RALGPS2: variants seen among roughly 807,000 people sequenced by gnomAD.
The protein encoded by RALGPS2 is ras-specific guanine nucleotide-releasing factor RalGPS2.
Under a neutral mutation model 86.8 loss-of-function variants are expected in RALGPS2, and 43 were observed. That is an observed-to-expected ratio of 0.50 (90% CI 0.39 to 0.64). The LOEUF is 0.64. Ranked by LOEUF, RALGPS2 falls within the 30% of genes least tolerant of loss-of-function variation. The pLI is 0.00. For missense variants in RALGPS2, 536 were observed against 694.6 expected, an observed-to-expected ratio of 0.77 and a Z score of 2.57; for synonymous variants, 243 against 231.3, an observed-to-expected ratio of 1.05 and a Z score of -0.46.
rs1375280253 is a variant in RALGPS2, at chr1:178,919,070, A to G, written c.*2711A>G. On this transcript the variant is annotated 3_prime_UTR_variant, in exon 20 of 20. Coordinates refer to ENST00000367635, the MANE Select transcript of RALGPS2 (RefSeq NM_152663.5). ...CATGTTATATAGCCTGTTGAAAATAACTACAGAATGACCTTCCAGAGCACT... is the reference window on the plus strand; with the variant it reads ...CATGTTATATAGCCTGTTGAAAATAGCTACAGAATGACCTTCCAGAGCACT... 2 of 152,072 alleles carry G rather than the reference A, an allele frequency of 1.3e-5. No homozygotes were observed. The highest frequency in any genetic ancestry group is 2.9e-5 in the Non-Finnish European group (2 of 67,938). The allele number at this position is 152,072 out of a possible 1,614,324, so 9.4% of individuals were successfully genotyped here.
At chr1:178,817,873 C>A (rs2102217206) in intron 6 of RALGPS2, among the ~76,000 whole-genome samples, 1 of 152,256 alleles carries the variant, frequency 6.6e-6, no homozygotes, top group East Asian at 1.9e-4. Context: ...AAATGTTTTT[C>A]CGGCTCATTT....
At chr1:178,782,916 C>G (rs75731332) in intron 2 of RALGPS2, among the ~76,000 whole-genome samples, 1 of 152,084 alleles carries the variant, frequency 6.6e-6, no homozygotes, top group African/African-American at 2.4e-5. Context: ...ACCTGAGTTC[C>G]TATTACCCAA....
intron 8 of RALGPS2, among the ~76,000 whole-genome samples, chr1:178,860,612 A>G (rs1234153798): frequency 6.6e-6 from 1 of 152,204 alleles, no homozygotes; most frequent in East Asian, 1.9e-4. Flanking sequence ...CCCTCCGCCT[A>G]ACATCTGGCA....
At chr1:178,823,679 G>C (rs150516162) in intron 7 of RALGPS2, among the ~76,000 whole-genome samples, 178 of 152,314 alleles carry the variant, frequency 1.2e-3, no homozygotes, top group African/African-American at 3.9e-3. Flanking sequence ...AAGGTACCCG[G>C]TGGTAGGAGA....
At chr1:178,867,222 T>C (rs1277038422) in intron 8 of RALGPS2, among the ~76,000 whole-genome samples, 2 of 152,146 alleles carry the variant, frequency 1.3e-5, no homozygotes, top group Non-Finnish European at 2.9e-5. Flanking sequence ...TTTAAGCCAT[T>C]TTCATGTTTT....
intron 16 of RALGPS2, 93 bp from the exon 17 acceptor site, chr1:178,897,571 G>A: frequency 9.7e-7 from 1 of 1,026,726 alleles, no homozygotes; most frequent in Non-Finnish European, 1.5e-6. Flanking sequence ...TTTGGTTGAA[G>A]TGAAGTGGAC....
Position 178,891,202 on chromosome 1 carries a change from T to TA in RALGPS2, c.1248-1021dup, listed in dbSNP as rs574016824. Among the ~76,000 whole-genome samples, 394 of 152,138 alleles carry TA rather than the reference T, an allele frequency of 2.6e-3. 3 individuals carry two copies. The highest frequency in any genetic ancestry group is 8.3e-3 in the South Asian group (40 of 4,828). On this transcript the variant is annotated intron_variant, in intron 14 of 19. Transcript: ENST00000367635. ...GTTTTGCTTTGCAGACATGTGTGGCTAAAAAAAGCTACTTTTCTTATGCCA... is the reference window on the plus strand; with the variant it reads ...GTTTTGCTTTGCAGACATGTGTGGCTAAAAAAAAGCTACTTTTCTTATGCCA...
In RALGPS2 at chr1:178,916,515, G is replaced by A. The variant is rs1660822201; in HGVS notation, c.*156G>A. On this transcript the variant is annotated 3_prime_UTR_variant, in exon 20 of 20. Transcript: ENST00000367635. ...CAACCAAAAAAGCACTAATTTCAGG[G>A]AATGATTTGAGATATTCCCAGAGAA... The A allele has an allele frequency of 1.6e-6, 1 of 636,874 alleles. No homozygotes were observed. Among genetic ancestry groups the A allele is most frequent in the African/African-American group, 1.9e-5 (1 of 53,614 alleles). 39.5% of individuals were successfully genotyped at this position (636,874 alleles called of 1,614,324 possible). A position where few individuals can be genotyped will look rare whatever the true frequency, so the allele number is the denominator to read the frequency against.
rs539907347 is a variant in RALGPS2 at position 178,913,196 on chromosome 1, C to T, written c.1723-3134C>T. The stretch of plus-strand genomic sequence containing the variant: ...ACTAGGGAGGCTGAGGCAGGAGAAT[C>T]GCTTGAACCTGGGAGGCAGAGGTTG... On this transcript the variant is annotated intron_variant, in intron 19 of 19. Transcript: ENST00000367635. Among the ~76,000 whole-genome samples the T allele has an allele frequency of 1.8e-4, 28 of 151,832 alleles. No individual in the cohort carries two copies. The South Asian group carries it at 4.4e-3, about 24-fold the overall frequency.
intron 12 of RALGPS2, chr1:178,885,663 CAT>C (rs765830768): frequency 9.0e-5 from 20 of 221,392 alleles, no homozygotes; most frequent in South Asian, 1.6e-4. Flanking sequence ...AATGGGGACA[CAT>C]GTTCACTTTT....
intron 1 of RALGPS2, among the ~76,000 whole-genome samples, chr1:178,766,511 G>A (rs1652515478): frequency 6.6e-6 from 1 of 152,052 alleles, no homozygotes; most frequent in African/African-American, 2.4e-5. Context: ...TTACAGGTGT[G>A]AGCCACCGCA....
intron 13 of RALGPS2, among the ~76,000 whole-genome samples, chr1:178,886,912 CA>C (rs1450818984): frequency 6.6e-6 from 1 of 152,030 alleles, no homozygotes; most frequent in Non-Finnish European, 1.5e-5. Context: ...GGGGATTTGG[CA>C]AGATAAAAGT....
At chr1:178,891,786 A>AC (rs1369975742) in intron 14 of RALGPS2, among the ~76,000 whole-genome samples, 1 of 152,088 alleles carries the variant, frequency 6.6e-6, no homozygotes, top group Non-Finnish European at 1.5e-5. Context: ...TTTACAAGCC[A>AC]CATTGCTTTT....
intron 8 of RALGPS2, among the ~76,000 whole-genome samples, chr1:178,859,463 T>G (rs12125050): frequency 0.084 from 12,223 of 145,470 alleles, 527 homozygotes; most frequent in African/African-American, 0.094. Flanking sequence ...GAGTGCAGTG[T>G]CACGATCTCG....
At chr1:178,734,678 C>T (rs1474629957) in intron 1 of RALGPS2, among the ~76,000 whole-genome samples, 3 of 152,086 alleles carry the variant, frequency 2.0e-5, no homozygotes, top group Non-Finnish European at 2.9e-5. Flanking sequence ...CAAACAACTC[C>T]GAAACCTTTA....
chr1:178,796,337 A>G (rs1160597401), intron 4 of RALGPS2, among the ~76,000 whole-genome samples: 1 of 152,138 alleles, frequency 6.6e-6, no homozygotes, highest in Non-Finnish European at 1.5e-5. Context: ...ATTGTGGGTT[A>G]AGATATAGGA....
chr1:178,833,570 G>GT lies in RALGPS2; in HGVS notation c.607+26dup, dbSNP rs1263795596. 1.3e-6 allele frequency: 2 copies of GT among 1,519,388 alleles called. No individual in the cohort carries two copies. Among genetic ancestry groups the GT allele is most frequent in the Admixed American group, 2.6e-5 (1 of 37,862 alleles). 94.1% of individuals were successfully genotyped at this position (1,519,388 alleles called of 1,614,324 possible). A position where few individuals can be genotyped will look rare whatever the true frequency, so the allele number is the denominator to read the frequency against. On this transcript the variant is annotated intron_variant, in intron 8 of 19. Transcript: ENST00000367635. ...ATTTAGGTGAGTTATGTCACTGTGT[G>GT]TTTTTTGTTTCTAGTTGTTACTCTT... is the stretch of plus-strand genomic sequence containing the variant.
chr1:178,747,205 G>C lies in RALGPS2; in HGVS notation c.-84+21786G>C. The C allele has an allele frequency of 3.1e-6, 4 of 1,276,846 alleles. No homozygotes were observed. The South Asian group carries it at 4.8e-5, about 15-fold the overall frequency. The allele number at this position is 1,276,846 out of a possible 1,614,324, so 79.1% of individuals were successfully genotyped here. A position where few individuals can be genotyped will look rare whatever the true frequency, so the allele number is the denominator to read the frequency against. On this transcript the variant is annotated intron_variant, in intron 1 of 19. Transcript: ENST00000367635. Reference sequence around the variant, plus strand: ...AGCGTCCAGTGCCTGCACTACGGTGGATCACCACAGGTCCATGGTCAGGGT... The same window carrying C: ...AGCGTCCAGTGCCTGCACTACGGTGCATCACCACAGGTCCATGGTCAGGGT...
intron 8 of RALGPS2, chr1:178,851,392 T>C (rs1657166991): frequency 2.3e-6 from 3 of 1,332,772 alleles, no homozygotes; most frequent in Admixed American, 2.8e-5. Flanking sequence ...AAAAACTTAT[T>C]CTACCTTTAA....
Sources: gnomAD v4.1 joint callset for allele counts (sites outside exome capture counted in the v4.1 genomes callset) on GRCh38, gnomAD v4.1.1 for gene constraint, MANE v1.5 for transcripts, NCBI Gene and HGNC (gene_info 2026-07-23, HGNC 2026-07-21) for gene names.